ZNF831: variants seen among roughly 807,000 people sequenced by gnomAD.
ZNF831 encodes chromosome 20 open reading frame 174.
Under a neutral mutation model 95.8 loss-of-function variants are expected in ZNF831, and 59 were observed. The observed-to-expected ratio is 0.62, with a 90% CI of 0.50 to 0.77. The LOEUF is 0.77. ZNF831 is among the 30% of genes least tolerant of loss of function. ZNF831 has a pLI of 0.00. For missense variants in ZNF831, 2,205 were observed against 2,164.0 expected (o/e 1.02, Z -0.38); for synonymous variants, 961 against 925.5 (o/e 1.04, Z -0.70).
At chr20:59,213,198 G>T (rs913098556) in intron 4 of ZNF831, among the ~76,000 whole-genome samples, 3 of 152,150 alleles carry the variant, frequency 2.0e-5, no homozygotes, top group African/African-American at 7.2e-5. Flanking sequence ...ACAATTTTAT[G>T]TAAAAATGTA....
chr20:59,141,697 G>C (rs1979685457), intron 1 of ZNF831, among the ~76,000 whole-genome samples: 1 of 152,140 alleles, frequency 6.6e-6, no homozygotes, highest in Non-Finnish European at 1.5e-5. Context: ...AGCTATTCTA[G>C]TTCCTTTGCC....
At chr20:59,199,103 C>T (rs960192593) in intron 3 of ZNF831, among the ~76,000 whole-genome samples, 1 of 113,184 alleles carries the variant, frequency 8.8e-6, no homozygotes. Context: ...ATCTATCTAT[C>T]TATCTATCTA....
chr20:59,249,316 TTAGTGTC>T (rs1253683915), intron 4 of ZNF831, among the ~76,000 whole-genome samples: 1 of 152,176 alleles, frequency 6.6e-6, no homozygotes, highest in Non-Finnish European at 1.5e-5. Context: ...CCATTTCTCA[TTAGTGTC>T]TGGAATAGCC....
chr20:59,242,956 T>C (rs1987410978), intron 4 of ZNF831, among the ~76,000 whole-genome samples: 1 of 152,212 alleles, frequency 6.6e-6, no homozygotes, highest in African/African-American at 2.4e-5. Flanking sequence ...CTCTGTGGCA[T>C]TTACCACAAT....
chr20:59,127,895 A>G (rs2146433337), intron 1 of ZNF831, among the ~76,000 whole-genome samples: 1 of 152,314 alleles, frequency 6.6e-6, no homozygotes, highest in African/African-American at 2.4e-5. Flanking sequence ...GGAGCCTTCC[A>G]TTCTTCCCTG....
At chr20:59,198,242 G>A (rs897661691) in intron 3 of ZNF831, among the ~76,000 whole-genome samples, 1 of 152,186 alleles carries the variant, frequency 6.6e-6, no homozygotes, top group Admixed American at 6.5e-5. Context: ...GTGCATGTAA[G>A]ACCCTTATTA....
chr20:59,212,602 G>A (rs567336976), intron 4 of ZNF831, among the ~76,000 whole-genome samples: 19 of 152,306 alleles, frequency 1.2e-4, no homozygotes, highest in African/African-American at 4.6e-4. Context: ...GGGCTGAGGG[G>A]TGCACTTAAT....
intron 1 of ZNF831, among the ~76,000 whole-genome samples, chr20:59,167,297 CTG>C (rs1981351993): frequency 6.6e-6 from 1 of 151,402 alleles, no homozygotes; most frequent in African/African-American, 2.4e-5. Flanking sequence ...TTTTTTTTAA[CTG>C]TTAAATTTTC....
In ZNF831 at chr20:59,256,271, C is replaced by T. The variant is rs975561657; in HGVS notation, c.*1528C>T. 6.6e-6 allele frequency: 1 copy of T among 152,318 alleles called. No homozygotes were observed. Among genetic ancestry groups the T allele is most frequent in the Middle Eastern group, 3.4e-3 (1 of 294 alleles). The allele number at this position is 152,318 out of a possible 1,614,324, so 9.4% of individuals were successfully genotyped here. A position where few individuals can be genotyped will look rare whatever the true frequency, so the allele number is the denominator to read the frequency against. Reference sequence around the variant, plus strand: ...ATAGAAAACTTCAATGCCAGACCAGCTTCCCTGGTTACTTAGCATATATTT... The same window carrying T: ...ATAGAAAACTTCAATGCCAGACCAGTTTCCCTGGTTACTTAGCATATATTT... On this transcript the variant is annotated 3_prime_UTR_variant, in exon 6 of 6. Coordinates refer to ENST00000371030, the MANE Select transcript of ZNF831 (RefSeq NM_178457.3).
intron 3 of ZNF831, 36 bp from the exon 4 acceptor site, chr20:59,206,869 G>A: frequency 6.2e-7 from 1 of 1,603,374 alleles, no homozygotes; most frequent in Non-Finnish European, 8.5e-7. Context: ...GTGCTCTCCA[G>A]GCTGGTTACT....
intron 2 of ZNF831, among the ~76,000 whole-genome samples, chr20:59,149,770 C>A (rs1235377607): frequency 6.6e-6 from 1 of 152,222 alleles, no homozygotes; most frequent in African/African-American, 2.4e-5. Context: ...CTGGAACTTG[C>A]CCTGAGGGCC....
chr20:59,192,866 C>T lies in ZNF831; in HGVS notation c.1847C>T (p.Ser616Phe), dbSNP rs776168252. Reference sequence around the variant, plus strand: ...GGCCAGAGAAGGCTGAAGATGTTCTCCCAGGAGAAGTGGCAGGTGTACGGG... The same window carrying T: ...GGCCAGAGAAGGCTGAAGATGTTCTTCCAGGAGAAGTGGCAGGTGTACGGG... ...KCGQRRLKMFSQEKWQVYGDE... is the reference protein window; with the variant it reads ...KCGQRRLKMFFQEKWQVYGDE... The change falls in exon 2 of 6, where the codon TCC becomes TTC. Residue 616 changes from serine to phenylalanine, a missense_variant. Coordinates refer to ENST00000371030, the MANE Select transcript of ZNF831 (RefSeq NM_178457.3). The surrounding 1 kb of genome is among the most constrained non-coding windows in gnomAD (Gnocchi z 5.2). The T allele has an allele frequency of 2.5e-6, 4 of 1,601,110 alleles. No homozygotes were observed. Among genetic ancestry groups the T allele is most frequent in the East Asian group, 4.5e-5 (2 of 44,772 alleles).
intron 1 of ZNF831, among the ~76,000 whole-genome samples, chr20:59,174,110 C>T (rs1981955037): frequency 6.6e-6 from 1 of 152,104 alleles, no homozygotes; most frequent in Non-Finnish European, 1.5e-5. Flanking sequence ...CATCTGGGAG[C>T]CTGGGCACAG....
intron 1 of ZNF831, among the ~76,000 whole-genome samples, chr20:59,124,998 G>T (rs989950142): frequency 6.6e-6 from 1 of 152,208 alleles, no homozygotes; most frequent in Non-Finnish European, 1.5e-5. Context: ...TTTAGGCCTG[G>T]CCAGTGAGGC....
rs781591443 is a variant in ZNF831 at position 59,192,507 on chromosome 20, G to A, written c.1488G>A (p.Val496=). 7 of 1,548,640 alleles carry A rather than the reference G, an allele frequency of 4.5e-6. No homozygotes were observed. In the African/African-American group the frequency reaches 6.9e-5, roughly 15 times the overall value. Residue 496 remains valine (V), a synonymous_variant, in exon 2 of 6, where the codon GTG becomes GTA. Coordinates refer to ENST00000371030, the MANE Select transcript of ZNF831 (RefSeq NM_178457.3). The surrounding 1 kb of genome is among the most constrained non-coding windows in gnomAD (Gnocchi z 5.2). ...TCCCCACTCAGCTCTCCACCACCGT[G>A]GAATGTGTCCCCGTCACCAGGAGCA... ...HSVPTQLSTT[V]ECVPVTRSNS...
At chr20:59,231,307 C>T (rs1986709376) in intron 4 of ZNF831, among the ~76,000 whole-genome samples, 1 of 152,150 alleles carries the variant, frequency 6.6e-6, no homozygotes, top group Non-Finnish European at 1.5e-5. Context: ...CATGCTCTGC[C>T]ACATGAGCTA....
At chr20:59,157,863 C>T (rs1980625361) in intron 2 of ZNF831, among the ~76,000 whole-genome samples, 1 of 152,102 alleles carries the variant, frequency 6.6e-6, no homozygotes. Context: ...TTTAAAAAAA[C>T]AAATAAGAAA....
chr20:59,253,878 T>TTCTTTTC lies in ZNF831; in HGVS notation c.4189-20_4189-19insTCTTTTC. 1 of 1,017,122 alleles carries TTCTTTTC rather than the reference T, an allele frequency of 9.8e-7. No homozygotes were observed. Among genetic ancestry groups the TTCTTTTC allele is most frequent in the South Asian group, 2.0e-5 (1 of 49,590 alleles). 63.0% of individuals were successfully genotyped at this position (1,017,122 alleles called of 1,614,324 possible). On this transcript the variant is annotated intron_variant, in intron 5 of 5. Transcript: ENST00000371030. ...TTAACCTCCCCCCCCACTTTTTTTT[T>TTCTTTTC]CCTTTGCACTTTGTTGCAGGATATT... is the stretch of plus-strand genomic sequence containing the variant.
chr20:59,142,067 G>A (rs1979699840), intron 1 of ZNF831, among the ~76,000 whole-genome samples: 1 of 152,184 alleles, frequency 6.6e-6, no homozygotes, highest in African/African-American at 2.4e-5. Context: ...TGGATGGCTT[G>A]CGGCTAATGT....
Sources: gnomAD v4.1 joint callset for allele counts (sites outside exome capture counted in the v4.1 genomes callset) on GRCh38, gnomAD v4.1.1 for gene constraint, Gnocchi (gnomAD v3.1) non-coding constraint, MANE v1.5 for transcripts, NCBI Gene and HGNC (gene_info 2026-07-23, HGNC 2026-07-21) for gene names.